SMCO2: variants seen among roughly 807,000 people sequenced by gnomAD.
SMCO2 encodes the protein single-pass membrane protein with coiled-coil domains 2, also known as single-pass membrane and coiled-coil domain-containing protein 2.
In SMCO2, 25 loss-of-function variants were observed where a neutral mutation model predicts 29.5. The ratio of observed to expected loss-of-function variants is 0.85; its 90% confidence interval spans 0.62 to 1.18. SMCO2 has a LOEUF of 1.18. Among genes scored for constraint, SMCO2 ranks in the 50% most tolerant of loss-of-function variants. SMCO2 has a pLI of 0.00. For synonymous variants in SMCO2, 117 were observed against 123.3 expected (o/e 0.95, Z 0.34); for missense variants, 348 against 344.5 (o/e 1.01, Z -0.08).
the SMCO2 span, among the ~76,000 whole-genome samples, chr12:27,435,544 T>TCC: frequency 1.3e-4 from 19 of 145,218 alleles, no homozygotes; most frequent in African/African-American, 4.7e-4. Flanking sequence ...TCTCTCTCTC[T>TCC]CCCCCCCATC....
At chr12:27,438,297 C>A in the SMCO2 span, among the ~76,000 whole-genome samples, 1 of 152,170 alleles carries the variant, frequency 6.6e-6, no homozygotes, top group East Asian at 1.9e-4. Context: ...GCTTTATTTT[C>A]TGTGGTTTCA....
chr12:27,495,678 A>T lies in SMCO2; in HGVS notation c.508-2A>T. 6.9e-7 allele frequency: 1 copy of T among 1,455,858 alleles called. No individual in the cohort carries two copies. Among genetic ancestry groups the T allele is most frequent in the Admixed American group, 2.2e-5 (1 of 45,240 alleles). The allele number at this position is 1,455,858 out of a possible 1,614,324, so 90.2% of individuals were successfully genotyped here. A position where few individuals can be genotyped will look rare whatever the true frequency, so the allele number is the denominator to read the frequency against. Reference sequence around the variant, plus strand: ...AGGTACTTGATTACTCTTTTTTTTCAGGACCTTTGCAAGAATGTGGAACTG... The same window carrying T: ...AGGTACTTGATTACTCTTTTTTTTCTGGACCTTTGCAAGAATGTGGAACTG... On this transcript the variant is annotated splice_acceptor_variant, in intron 6 of 7. Transcript: ENST00000298876. LOFTEE classifies it high-confidence loss of function.
chr12:27,429,700 T>A, the SMCO2 span, among the ~76,000 whole-genome samples: 1 of 152,198 alleles, frequency 6.6e-6, no homozygotes, highest in Non-Finnish European at 1.5e-5. Context: ...GTTTTGCTAT[T>A]GTGGGTAATA....
chr12:27,433,414 A>G, the SMCO2 span, among the ~76,000 whole-genome samples: 2 of 152,270 alleles, frequency 1.3e-5, no homozygotes, highest in African/African-American at 4.8e-5. Flanking sequence ...GAAAGAGGAC[A>G]TCTTAAGGGA....
chr12:27,457,051 G>C, the SMCO2 span, among the ~76,000 whole-genome samples: 6 of 152,242 alleles, frequency 3.9e-5, no homozygotes, highest in Admixed American at 1.3e-4. Context: ...CCCTCCCACT[G>C]TCTGTGGAAA....
At position 27,475,580 on chromosome 12, in the gene SMCO2, A is replaced by C. The variant is rs945947953; in HGVS notation, c.362+667A>C. ...AAAATGATCACCATAATATTTCCGC[A>C]GGTGTCTGAAGGGCATGTTCCTCAA... On this transcript the variant is annotated intron_variant, in intron 4 of 7. Transcript: ENST00000298876. The C allele has an allele frequency of 2.6e-6, 4 of 1,520,332 alleles. No individual in the cohort carries two copies. The highest frequency in any genetic ancestry group is 3.5e-6 in the Non-Finnish European group (4 of 1,137,910). 94.2% of individuals were successfully genotyped at this position (1,520,332 alleles called of 1,614,324 possible).
At chr12:27,445,679 C>T in the SMCO2 span, among the ~76,000 whole-genome samples, 1 of 152,168 alleles carries the variant, frequency 6.6e-6, no homozygotes, top group African/African-American at 2.4e-5. Context: ...CCACAGGGAC[C>T]CATGTGTCCC....
At chr12:27,432,681 T>C in the SMCO2 span, among the ~76,000 whole-genome samples, 13 of 152,196 alleles carry the variant, frequency 8.5e-5, no homozygotes, top group Non-Finnish European at 1.5e-4. Flanking sequence ...AACACAGAGC[T>C]CCAGGCAACC....
chr12:27,461,039 T>C, the SMCO2 span, among the ~76,000 whole-genome samples: 2 of 152,164 alleles, frequency 1.3e-5, no homozygotes, highest in Admixed American at 1.3e-4. Context: ...CTTTCCTCCT[T>C]TCTGAAATCC....
chr12:27,489,229 A>G (rs919751871), intron 5 of SMCO2, among the ~76,000 whole-genome samples: 1 of 152,070 alleles, frequency 6.6e-6, no homozygotes, highest in African/African-American at 2.4e-5. Flanking sequence ...TTGTAATTTT[A>G]GTAGAGATGG....
At chr12:27,441,328 C>G in the SMCO2 span, among the ~76,000 whole-genome samples, 1 of 152,260 alleles carries the variant, frequency 6.6e-6, no homozygotes, top group Admixed American at 6.5e-5. Context: ...CTACATGCTG[C>G]CTTCAAGTTG....
At chr12:27,490,253 T>A (rs1250349529) in intron 5 of SMCO2, among the ~76,000 whole-genome samples, 1 of 152,232 alleles carries the variant, frequency 6.6e-6, no homozygotes, top group East Asian at 1.9e-4. Flanking sequence ...GAAGCCAGAT[T>A]CAGAAGACTA....
At chr12:27,487,966 T>G (rs1949703825) in intron 4 of SMCO2, among the ~76,000 whole-genome samples, 1 of 152,152 alleles carries the variant, frequency 6.6e-6, no homozygotes. Flanking sequence ...TTTGAGATTT[T>G]TATATAGTCT....
At chr12:27,434,117 T>C in the SMCO2 span, among the ~76,000 whole-genome samples, 1 of 152,196 alleles carries the variant, frequency 6.6e-6, no homozygotes, top group Non-Finnish European at 1.5e-5. Context: ...TTCTGAAACA[T>C]AACCTAGCGC....
the SMCO2 span, among the ~76,000 whole-genome samples, chr12:27,451,818 G>T: frequency 1.3e-5 from 2 of 152,170 alleles, no homozygotes; most frequent in Non-Finnish European, 2.9e-5. Flanking sequence ...AATGAGAACC[G>T]TGCATATTCC....
chr12:27,501,484 A>G (rs935638601), intron 7 of SMCO2, among the ~76,000 whole-genome samples: 1 of 150,296 alleles, frequency 6.7e-6, no homozygotes, highest in Non-Finnish European at 1.5e-5. Flanking sequence ...TTTTACAAAT[A>G]AAAGTCTGGT....
At chr12:27,489,033 G>A (rs1949712841) in intron 5 of SMCO2, among the ~76,000 whole-genome samples, 1 of 151,938 alleles carries the variant, frequency 6.6e-6, no homozygotes, top group African/African-American at 2.4e-5. Flanking sequence ...CTCAAATTAA[G>A]GTTTAATTTT....
At chr12:27,488,517 C>A in exon 5 of SMCO2, 1 of 1,539,172 alleles carries the variant, frequency 6.5e-7, no homozygotes, top group East Asian at 2.5e-5. Flanking sequence ...AGGACCGGGG[C>A]CTTGACCTTG....
intron 4 of SMCO2, among the ~76,000 whole-genome samples, chr12:27,485,239 C>T (rs889150986): frequency 1.3e-5 from 2 of 151,834 alleles, no homozygotes; most frequent in African/African-American, 4.8e-5. Flanking sequence ...CATTAATCCC[C>T]TCCAGTGTAT....
Sources: allele counts gnomAD v4.1 joint callset (sites outside exome capture counted in the v4.1 genomes callset), GRCh38; gene constraint gnomAD v4.1.1; transcripts MANE v1.5; gene names NCBI Gene and HGNC (gene_info 2026-07-23, HGNC 2026-07-21).